The following XRCC4 variants were observed in gnomAD, a reference collection of about 807,000 sequenced individuals.
XRCC4 encodes DNA repair protein XRCC4.
A neutral mutation model predicts 39.1 loss-of-function variants in XRCC4; 28 were observed. The ratio of observed to expected loss-of-function variants is 0.72; its 90% CI spans 0.53 to 0.98. The LOEUF is 0.98. Among genes scored for constraint, XRCC4 ranks in the 50% least tolerant of loss-of-function variants. The pLI is 0.00. For synonymous variants in XRCC4, 123 were observed against 126.4 expected (o/e 0.97, Z 0.18); for missense variants, 350 against 376.4 (o/e 0.93, Z 0.58).
At chr5:83,218,828 GA>G (rs1248903550) in intron 6 of XRCC4, among the ~76,000 whole-genome samples, 1 of 152,018 alleles carries the variant, frequency 6.6e-6, no homozygotes, top group Non-Finnish European at 1.5e-5. Context: ...TTAGTGAAAG[GA>G]TATCTGAACT....
chr5:83,277,162 T>C (rs767892390), intron 7 of XRCC4, among the ~76,000 whole-genome samples: 15 of 152,202 alleles, frequency 9.9e-5, no homozygotes, highest in Non-Finnish European at 2.2e-4. Context: ...AAAACAAAGA[T>C]ATATGAAACC....
At chr5:83,307,305 A>G (rs762669045) in intron 7 of XRCC4, among the ~76,000 whole-genome samples, 1 of 152,196 alleles carries the variant, frequency 6.6e-6, no homozygotes, top group African/African-American at 2.4e-5. Context: ...GAGAATAGGT[A>G]ATATTTCTAT....
intron 7 of XRCC4, among the ~76,000 whole-genome samples, chr5:83,270,593 A>G (rs896272188): frequency 6.6e-6 from 1 of 151,888 alleles, no homozygotes; most frequent in Non-Finnish European, 1.5e-5. Flanking sequence ...ATTGGATTAT[A>G]TCTTTATACT....
At chr5:83,193,213 AG>A (rs1327272767) in intron 3 of XRCC4, among the ~76,000 whole-genome samples, 1 of 152,146 alleles carries the variant, frequency 6.6e-6, no homozygotes, top group East Asian at 1.9e-4. Flanking sequence ...TGAAGGTGAA[AG>A]AGTGCCTCCT....
chr5:83,129,583 C>CTATCCATGAGCATGG (rs1205934453), intron 3 of XRCC4, among the ~76,000 whole-genome samples: 1 of 152,004 alleles, frequency 6.6e-6, no homozygotes, highest in African/African-American at 2.4e-5. Context: ...GCCATTTTCA[C>CTATCCATGAGCATGG]AATATTGATT....
chr5:83,146,624 G>A (rs747800711), intron 3 of XRCC4, among the ~76,000 whole-genome samples: 9 of 152,124 alleles, frequency 5.9e-5, no homozygotes, highest in Admixed American at 6.6e-5. Flanking sequence ...TCTCTCATTT[G>A]TCACGGTATT....
chr5:83,191,908 G>A (rs1008265858), intron 3 of XRCC4, among the ~76,000 whole-genome samples: 5 of 152,006 alleles, frequency 3.3e-5, no homozygotes, highest in Non-Finnish European at 7.4e-5. Context: ...TAATACATAG[G>A]CTAACTTAGT....
At chr5:83,085,293 C>T (rs1270396968) in intron 1 of XRCC4, among the ~76,000 whole-genome samples, 2 of 152,104 alleles carry the variant, frequency 1.3e-5, no homozygotes, top group African/African-American at 4.8e-5. Flanking sequence ...CATGCTGAGA[C>T]ATGTCAATAT....
chr5:83,320,000 A>G (rs1158080892), intron 7 of XRCC4, among the ~76,000 whole-genome samples: 1 of 150,428 alleles, frequency 6.6e-6, no homozygotes, highest in Non-Finnish European at 1.5e-5. Context: ...AATGTGGCAC[A>G]TATACACCAT....
chr5:83,368,665 G>A, the XRCC4 span, among the ~76,000 whole-genome samples: 2 of 152,182 alleles, frequency 1.3e-5, no homozygotes, highest in African/African-American at 4.8e-5. Context: ...GGTCATCAGC[G>A]AGCTCTAATT....
At chr5:83,270,810 GA>G (rs1754121129) in intron 7 of XRCC4, among the ~76,000 whole-genome samples, 2 of 143,920 alleles carry the variant, frequency 1.4e-5, no homozygotes, top group African/African-American at 5.2e-5. Flanking sequence ...TTTTGAGACA[GA>G]GTCTCACTCT....
At chr5:83,341,219 T>A (rs1756747905) in intron 7 of XRCC4, among the ~76,000 whole-genome samples, 1 of 151,654 alleles carries the variant, frequency 6.6e-6, no homozygotes. Context: ...CAACAACAGT[T>A]TAAGAGAATA....
intron 7 of XRCC4, among the ~76,000 whole-genome samples, chr5:83,327,862 A>C (rs530649678): frequency 1.3e-5 from 2 of 152,254 alleles, no homozygotes; most frequent in South Asian, 4.1e-4. Context: ...CTTCTCAACA[A>C]GATGCCCATG....
intron 3 of XRCC4, among the ~76,000 whole-genome samples, chr5:83,143,969 A>T (rs759674181): frequency 6.6e-6 from 1 of 151,924 alleles, no homozygotes; most frequent in African/African-American, 2.4e-5. Context: ...TGAATTATAT[A>T]TTGGTGAAGT....
At chr5:83,185,674 T>C (rs1365953584) in intron 3 of XRCC4, among the ~76,000 whole-genome samples, 1 of 151,926 alleles carries the variant, frequency 6.6e-6, no homozygotes, top group Non-Finnish European at 1.5e-5. Flanking sequence ...CAGCATGTTA[T>C]TGGTAAATGG....
At chr5:83,320,417 C>T (rs1756025875) in intron 7 of XRCC4, among the ~76,000 whole-genome samples, 2 of 150,224 alleles carry the variant, frequency 1.3e-5, no homozygotes, top group Non-Finnish European at 1.5e-5. Context: ...AAAAACCACT[C>T]CTGGCGAAGA....
chr5:83,227,573 C>G (rs1010194880), intron 6 of XRCC4, among the ~76,000 whole-genome samples: 5 of 151,906 alleles, frequency 3.3e-5, no homozygotes, highest in South Asian at 2.1e-4. Flanking sequence ...TTTTCAAGAT[C>G]GTTATCTAAA....
chr5:83,337,161 A>G (rs1299134289), intron 7 of XRCC4, among the ~76,000 whole-genome samples: 2 of 152,196 alleles, frequency 1.3e-5, no homozygotes, highest in Non-Finnish European at 2.9e-5. Context: ...ACCCTTGACA[A>G]GAGGATTTTT....
At chr5:83,347,712 A>G (rs1425366735) in intron 7 of XRCC4, among the ~76,000 whole-genome samples, 3 of 152,164 alleles carry the variant, frequency 2.0e-5, no homozygotes, top group Non-Finnish European at 4.4e-5. Flanking sequence ...TCACATTTCA[A>G]AACATGATCA....
Sources: allele counts gnomAD v4.1 joint callset (sites outside exome capture counted in the v4.1 genomes callset), GRCh38; gene constraint gnomAD v4.1.1; transcripts MANE v1.5; gene names NCBI Gene and HGNC (gene_info 2026-07-23, HGNC 2026-07-21).